The following MCC variants were observed in gnomAD, a reference collection of about 807,000 sequenced individuals.
MCC encodes the protein MCC regulator of Wnt signaling pathway.
MCC carries 90 observed loss-of-function variants against 116.2 expected under a neutral mutation model. The ratio of observed to expected loss-of-function variants is 0.77; its 90% CI spans 0.65 to 0.92. The LOEUF is 0.92. Ranked by LOEUF, MCC falls within the 40% of genes least tolerant of loss-of-function variation. The pLI is 0.00. For synonymous variants in MCC, 578 were observed against 510.5 expected (o/e 1.13, Z -1.78); for missense variants, 1,516 against 1,312.2 (o/e 1.16, Z -2.40).
chr5:113,469,352 G>A (rs1200768066), intron 1 of MCC, among the ~76,000 whole-genome samples: 3 of 152,022 alleles, frequency 2.0e-5, no homozygotes, highest in Non-Finnish European at 2.9e-5. Flanking sequence ...ACACTGCTTT[G>A]AATGTGTCCC....
intron 3 of MCC, among the ~76,000 whole-genome samples, chr5:113,204,323 A>C (rs1762818351): frequency 6.6e-6 from 1 of 152,220 alleles, no homozygotes; most frequent in South Asian, 2.1e-4. Context: ...TCTTCCTCAG[A>C]AAAGCTCTAT....
chr5:113,433,760 C>G, intron 1 of MCC: 1 of 1,613,580 alleles, frequency 6.2e-7, no homozygotes, highest in East Asian at 2.2e-5. Flanking sequence ...TCTCTGGAGG[C>G]TGTTGGGGGG....
At chr5:113,162,478 C>T (rs1464426913) in intron 3 of MCC, among the ~76,000 whole-genome samples, 4 of 152,050 alleles carry the variant, frequency 2.6e-5, no homozygotes, top group African/African-American at 9.7e-5. Flanking sequence ...AGACTGTTAG[C>T]CACAAGGGTC....
intron 1 of MCC, among the ~76,000 whole-genome samples, chr5:113,441,105 C>T (rs946586205): frequency 1.3e-5 from 2 of 152,126 alleles, no homozygotes; most frequent in African/African-American, 2.4e-5. Flanking sequence ...GAGGCTGAGG[C>T]GGGCAGATCA....
chr5:113,170,761 G>A (rs988418998), intron 3 of MCC, among the ~76,000 whole-genome samples: 33 of 152,040 alleles, frequency 2.2e-4, no homozygotes, highest in African/African-American at 7.0e-4. Flanking sequence ...TTCGTGATGT[G>A]GTCAGTAGTT....
chr5:113,259,459 A>G (rs1765139969), intron 3 of MCC, among the ~76,000 whole-genome samples: 2 of 152,142 alleles, frequency 1.3e-5, no homozygotes, highest in Admixed American at 1.3e-4. Flanking sequence ...GTCAGGTAAT[A>G]GAGTCTACCA....
In MCC at chr5:113,049,183, C is replaced by T. The variant is rs1422830398; in HGVS notation, c.2565G>A (p.Glu855=). The T allele has an allele frequency of 1.2e-6, 2 of 1,614,214 alleles. No individual in the cohort carries two copies. Among genetic ancestry groups the T allele is most frequent in the South Asian group, 1.1e-5 (1 of 91,086 alleles). ...GCTCCTCCACCTCGGACTTCAGGTG[C>T]TCAATGTGCACCAGGTAGGCCTGCT... ...AQEQAYLVHI[E]HLKSEVEEQK... is the part of the protein sequence containing the mutation. The change falls in exon 16 of 19, where the codon GAG becomes GAA. Residue 855 remains glutamate (E), a synonymous_variant. Coordinates refer to ENST00000408903, the MANE Select transcript of MCC (RefSeq NM_001085377.2).
chr5:113,457,152 C>T (rs141996186), intron 1 of MCC, among the ~76,000 whole-genome samples: 3 of 152,312 alleles, frequency 2.0e-5, no homozygotes, highest in South Asian at 2.1e-4. Context: ...GAGGGAGAGG[C>T]GGGAGCGGGA....
At chr5:113,399,990 C>G (rs1037677242) in intron 1 of MCC, 2 of 152,066 alleles carry the variant, frequency 1.3e-5, no homozygotes, top group African/African-American at 4.8e-5. Flanking sequence ...AAGACAGCAT[C>G]TGCAAACAAG....
intron 3 of MCC, among the ~76,000 whole-genome samples, chr5:113,182,642 A>T (rs1350062402): frequency 6.6e-6 from 1 of 152,230 alleles, no homozygotes; most frequent in East Asian, 1.9e-4. Flanking sequence ...GAAGATACTC[A>T]CAGGGAAATA....
intron 3 of MCC, among the ~76,000 whole-genome samples, chr5:113,188,883 A>G (rs1762024020): frequency 6.6e-6 from 1 of 152,234 alleles, no homozygotes; most frequent in African/African-American, 2.4e-5. Context: ...AACTACAAAA[A>G]CAGAGCAAAG....
chr5:113,070,578 G>T (rs1753968196), intron 12 of MCC, among the ~76,000 whole-genome samples: 1 of 152,130 alleles, frequency 6.6e-6, no homozygotes. Context: ...ATATTCAAAA[G>T]AATGAAGATC....
chr5:113,446,513 A>C (rs1440881952), intron 1 of MCC, among the ~76,000 whole-genome samples: 1 of 152,242 alleles, frequency 6.6e-6, no homozygotes, highest in Non-Finnish European at 1.5e-5. Flanking sequence ...ATCGCTAATC[A>C]TCAGAGAGAT....
At chr5:113,280,513 C>A (rs1488742581) in intron 3 of MCC, among the ~76,000 whole-genome samples, 1 of 152,114 alleles carries the variant, frequency 6.6e-6, no homozygotes, top group Non-Finnish European at 1.5e-5. Flanking sequence ...TTATAGAATT[C>A]TAAGTCGTAA....
intron 3 of MCC, among the ~76,000 whole-genome samples, chr5:113,327,557 A>ATATAT (rs1243077934): frequency 1.2e-4 from 10 of 82,056 alleles, no homozygotes; most frequent in African/African-American, 4.2e-4. Flanking sequence ...AAAAAAAAAA[A>ATATAT]AAAAATATAT....
At chr5:113,068,811 C>T (rs187646373) in intron 12 of MCC, among the ~76,000 whole-genome samples, 2 of 152,270 alleles carry the variant, frequency 1.3e-5, no homozygotes, top group East Asian at 3.9e-4. Flanking sequence ...TCCTCCAATC[C>T]CCCACTGAGG....
intron 3 of MCC, among the ~76,000 whole-genome samples, chr5:113,211,361 G>A (rs950700584): frequency 1.3e-5 from 2 of 152,200 alleles, no homozygotes; most frequent in Admixed American, 1.3e-4. Flanking sequence ...AAGCCACCCA[G>A]CTTATGGCAT....
intron 3 of MCC, among the ~76,000 whole-genome samples, chr5:113,337,759 A>G (rs1003768193): frequency 3.9e-5 from 6 of 152,356 alleles, no homozygotes; most frequent in Non-Finnish European, 4.4e-5. Context: ...TATTAGTTCA[A>G]GATTTTTCCT....
At chr5:113,377,101 T>G (rs967519784) in intron 2 of MCC, among the ~76,000 whole-genome samples, 2 of 152,192 alleles carry the variant, frequency 1.3e-5, no homozygotes, top group African/African-American at 4.8e-5. Flanking sequence ...GGAAGGCTGA[T>G]GACATTTGAT....
Sources: gnomAD v4.1 joint callset for allele counts (sites outside exome capture counted in the v4.1 genomes callset) on GRCh38, gnomAD v4.1.1 for gene constraint, MANE v1.5 for transcripts, NCBI Gene and HGNC (gene_info 2026-07-23, HGNC 2026-07-21) for gene names.